ABI1: variants seen among roughly 807,000 people sequenced by gnomAD.
The protein encoded by ABI1 is abl interactor 1.
ABI1 carries 14 observed loss-of-function variants against 54.6 expected under a neutral mutation model. The observed-to-expected ratio is 0.26, with a 90% CI of 0.17 to 0.40. The LOEUF (loss-of-function observed/expected upper bound fraction) is 0.40, where lower values mean the gene tolerates loss of function less well. ABI1 is among the 10% of genes least tolerant of loss of function. The probability of loss-of-function intolerance (pLI) is 1.00; values close to 1 mark genes in which losing one functional copy is unlikely to be tolerated. For missense variants in ABI1, 443 were observed against 598.3 expected, an observed-to-expected ratio of 0.74 and a Z score of 2.71; for synonymous variants, 194 against 209.3, an observed-to-expected ratio of 0.93 and a Z score of 0.63.
Position 26,814,569 on chromosome 10 carries a change from T to A in ABI1, c.285+8569A>T, listed in dbSNP as rs76590971. The stretch of plus-strand genomic sequence containing the variant: ...TACTTCCTATATTTTCCAGGAAAAG[T>A]GACTGGCACCTTTAGATGACTACTG... On this transcript the variant is annotated intron_variant, in intron 2 of 10. Transcript: ENST00000376140. Among the ~76,000 whole-genome samples, 545 of 152,308 alleles carry A rather than the reference T, an allele frequency of 3.6e-3. 4 individuals are homozygous for A. The highest frequency in any genetic ancestry group is 0.029 in the East Asian group (152 of 5,180).
chr10:26,809,150 A>G (rs2047062334), intron 2 of ABI1, among the ~76,000 whole-genome samples: 1 of 151,586 alleles, frequency 6.6e-6, no homozygotes, highest in Non-Finnish European at 1.5e-5. Flanking sequence ...GGCGCCTTTA[A>G]TCCTAGCTAC....
intron 6 of ABI1, among the ~76,000 whole-genome samples, chr10:26,768,590 G>C (rs1840270692): frequency 6.6e-6 from 1 of 151,294 alleles, no homozygotes; most frequent in Non-Finnish European, 1.5e-5. Context: ...GTCTGATAGA[G>C]TCTGTACCTC....
At chr10:26,758,939 A>T (rs1214603602) in intron 8 of ABI1, 123 bp downstream of exon 8, 1 of 1,068,368 alleles carries the variant, frequency 9.4e-7, no homozygotes, top group African/African-American at 1.6e-5. Context: ...TCCTAAAACA[A>T]AAATAAACAT....
At chr10:26,820,173 A>G (rs371126778) in intron 2 of ABI1, among the ~76,000 whole-genome samples, 15 of 152,324 alleles carry the variant, frequency 9.8e-5, no homozygotes, top group Admixed American at 3.3e-4. Flanking sequence ...TAAAAGAGGA[A>G]ATCTTAAATG....
At chr10:26,853,872 T>A (rs892688342) in intron 1 of ABI1, among the ~76,000 whole-genome samples, 2 of 152,170 alleles carry the variant, frequency 1.3e-5, no homozygotes, top group African/African-American at 4.8e-5. Context: ...AACACTATTT[T>A]CATGGGTTTT....
At position 26,860,767 on chromosome 10, in the gene ABI1, A is replaced by C; in HGVS notation, c.97T>G (p.Cys33Gly). Reference protein sequence around the residue: ...YQNLTRVADYCENNYIQATDK... With the variant: ...YQNLTRVADYGENNYIQATDK... ...CTCACCTGTATGTAGTTGTTTTCAC[A>C]GTAGTCTGCCACCCGAGTCAGGTTC... Residue 33 changes from cysteine (C) to glycine (G), a missense_variant, in exon 1 of 11, where the codon TGT becomes GGT. Physicochemically the swap from Cys to Gly is radical, Grantham distance 159. Around this residue, in one of 2 missense-constraint regions of ABI1, gnomAD observed 394 missense variants for 484.8 expected, o/e 0.81. Transcript: ENST00000376140. This position sits in a 1 kb window ranked among gnomAD's most constrained non-coding sequence, Gnocchi z 4.1. 1 of 1,614,078 alleles carries C rather than the reference A, an allele frequency of 6.2e-7. No individual in the cohort carries two copies. Among genetic ancestry groups the C allele is most frequent in the Non-Finnish European group, 8.5e-7 (1 of 1,179,966 alleles).
chr10:26,770,913 A>C (rs1840611336), intron 4 of ABI1, among the ~76,000 whole-genome samples, 162 bp downstream of exon 4: 1 of 152,214 alleles, frequency 6.6e-6, no homozygotes, highest in Admixed American at 6.5e-5. Context: ...AGCCAAGCTA[A>C]ATGTTGCTTA....
At chr10:26,810,279 G>T (rs2047145331) in intron 2 of ABI1, among the ~76,000 whole-genome samples, 1 of 152,028 alleles carries the variant, frequency 6.6e-6, no homozygotes, top group African/African-American at 2.4e-5. Context: ...CTATATGCTG[G>T]GGATATGGTA....
intron 1 of ABI1, among the ~76,000 whole-genome samples, chr10:26,851,374 T>TTTTTTTTA (rs2050377909): frequency 6.2e-5 from 9 of 145,296 alleles, no homozygotes; most frequent in South Asian, 2.2e-4. Context: ...TTTTTTTTTT[T>TTTTTTTTA]GAGACAGGGT....
chr10:26,748,821 TTAAA>T (rs943777352), intron 10 of ABI1, 76 bp from the exon 11 acceptor site: 1 of 1,024,972 alleles, frequency 9.8e-7, no homozygotes, highest in Non-Finnish European at 1.4e-6. Flanking sequence ...ACAAAGACAA[TTAAA>T]TATATAGCAC....
intron 1 of ABI1, among the ~76,000 whole-genome samples, chr10:26,848,653 G>A (rs183577891): frequency 9.8e-4 from 132 of 134,888 alleles, no homozygotes; most frequent in African/African-American, 3.4e-3. Flanking sequence ...CTATCACCCA[G>A]GCTGGAGTGC....
rs147957853 is a variant in ABI1, at chr10:26,843,453, C to CAAAAAAAA, written c.117+17286_117+17293dup. 7.5e-4 allele frequency among the ~76,000 whole-genome samples: 40 copies of CAAAAAAAA among 53,054 alleles called. 3 individuals carry two copies. The highest frequency in any genetic ancestry group is 1.4e-3 in the East Asian group (3 of 2,108). The allele number at this position is 53,054 out of a possible 152,430, so 34.8% of individuals were successfully genotyped here. A position where few individuals can be genotyped will look rare whatever the true frequency, so the allele number is the denominator to read the frequency against. ...TTTATGACATAGCAAGACTCCGTCT[C>CAAAAAAAA]AAAAAAAAAAAAAAAAAAAAAAAAA... is the stretch of plus-strand genomic sequence containing the variant. On this transcript the variant is annotated intron_variant, in intron 1 of 10. Transcript: ENST00000376140.
chr10:26,752,881 A>G (rs537764748), intron 9 of ABI1, among the ~76,000 whole-genome samples: 1 of 152,190 alleles, frequency 6.6e-6, no homozygotes, highest in South Asian at 2.1e-4. Context: ...AGTTCAAAAG[A>G]CATATGAAAA....
At position 26,759,073 on chromosome 10, in the gene ABI1, G is replaced by A; in HGVS notation, c.986C>T (p.Ser329Phe). Residue 329 changes from serine to phenylalanine, a missense_variant, in exon 8 of 11, where the codon TCT becomes TTT. Ser to Phe is a radical substitution (Grantham distance 155). Transcript: ENST00000376140. ...QPHVNGGPLY[S>F]QNSISIAPPP... The stretch of plus-strand genomic sequence containing the variant: ...AAGCACAAGCTTACTTGAATTTTGA[G>A]AATAAAGTGGACCTCCATTAACATG... The A allele has an allele frequency of 6.2e-7, 1 of 1,612,992 alleles. No homozygotes were observed. Among genetic ancestry groups the A allele is most frequent in the Non-Finnish European group, 8.5e-7 (1 of 1,179,586 alleles).
At chr10:26,804,597 A>C (rs2046768680) in intron 2 of ABI1, among the ~76,000 whole-genome samples, 2 of 152,328 alleles carry the variant, frequency 1.3e-5, no homozygotes, top group South Asian at 4.1e-4. Context: ...ATATAAGAGA[A>C]AAAAGGGATG....
At chr10:26,771,146 T>A in intron 3 of ABI1, 57 bp from the exon 4 acceptor site, 1 of 1,569,916 alleles carries the variant, frequency 6.4e-7, no homozygotes, top group Middle Eastern at 1.7e-4. Context: ...AGGTAAGTTA[T>A]ATCCGATAGG....
At chr10:26,858,057 T>C (rs1285197685) in intron 1 of ABI1, among the ~76,000 whole-genome samples, 1 of 152,100 alleles carries the variant, frequency 6.6e-6, no homozygotes, top group African/African-American at 2.4e-5. Context: ...TTTCAAACTG[T>C]AGAAAAACGA....
intron 2 of ABI1, among the ~76,000 whole-genome samples, chr10:26,800,618 TA>T (rs1264930355): frequency 6.6e-6 from 1 of 151,030 alleles, no homozygotes; most frequent in Non-Finnish European, 1.5e-5. Context: ...CTCTATAAAA[TA>T]AAACAAAAAA....
At chr10:26,776,966 A>G in intron 3 of ABI1, 99 bp downstream of exon 3, 1 of 1,119,120 alleles carries the variant, frequency 8.9e-7, no homozygotes, top group Non-Finnish European at 1.2e-6. Context: ...GCCAGCTGCT[A>G]AAGAGAATCT....
Sources: gnomAD v4.1 joint callset for allele counts (sites outside exome capture counted in the v4.1 genomes callset) on GRCh38, gnomAD v4.1.1 for gene constraint, gnomAD v4.1.1 regional missense constraint, Gnocchi (gnomAD v3.1) non-coding constraint, MANE v1.5 for transcripts, NCBI Gene and HGNC (gene_info 2026-07-23, HGNC 2026-07-21) for gene names.